The following KPNA6 variants were observed in gnomAD, a reference collection of about 807,000 sequenced individuals.
KPNA6 encodes karyopherin subunit alpha 6.
A neutral mutation model predicts 72.0 loss-of-function variants in KPNA6; 9 were observed. That is an observed-to-expected ratio of 0.13 (90% CI 0.08 to 0.22). The LOEUF (loss-of-function observed/expected upper bound fraction) is 0.22, where lower values mean the gene tolerates loss of function less well. Ranked by LOEUF, KPNA6 falls within the 10% of genes least tolerant of loss-of-function variation. The pLI is 1.00. For missense variants in KPNA6, 374 were observed against 655.7 expected (o/e 0.57, Z 4.69); for synonymous variants, 219 against 242.1 (o/e 0.90, Z 0.89).
chr1:32,164,137 T>C (rs56081362), intron 10 of KPNA6, among the ~76,000 whole-genome samples: 4,071 of 152,308 alleles, frequency 0.027, 182 homozygotes, highest in African/African-American at 0.092. Context: ...AAGTACCTCA[T>C]GTAAGTGGAA....
intron 1 of KPNA6, among the ~76,000 whole-genome samples, chr1:32,154,070 C>T (rs183721247): frequency 6.6e-6 from 1 of 152,030 alleles, no homozygotes; most frequent in East Asian, 1.9e-4. Flanking sequence ...TCACGTGAGC[C>T]CAGGAGGCAG....
Position 32,166,221 on chromosome 1 carries a change from T to A in KPNA6, c.1107T>A (p.Ala369=). The change falls in exon 11 of 14, where the codon GCT becomes GCA. Residue 369 remains alanine (A), a synonymous_variant. Coordinates refer to ENST00000373625, the MANE Select transcript of KPNA6 (RefSeq NM_012316.5). Reference sequence around the variant, plus strand: ...CAAATATTACTGCTGGCAACAGGGCTCAAATACAGGTAAAACAGGCAGGGA... The same window carrying A: ...CAAATATTACTGCTGGCAACAGGGCACAAATACAGGTAAAACAGGCAGGGA... ...TISNITAGNR[A]QIQAVIDANI... 1 of 1,612,986 alleles carries A rather than the reference T, an allele frequency of 6.2e-7. No individual in the cohort carries two copies. Among genetic ancestry groups the A allele is most frequent in the Non-Finnish European group, 8.5e-7 (1 of 1,179,670 alleles).
At chr1:32,114,999 C>G (rs1382011210) in intron 1 of KPNA6, among the ~76,000 whole-genome samples, 5 of 152,126 alleles carry the variant, frequency 3.3e-5, no homozygotes, top group Admixed American at 3.3e-4. Context: ...TGCCACCACG[C>G]CCAGAACATT....
chr1:32,112,574 C>T (rs1246572787), intron 1 of KPNA6, among the ~76,000 whole-genome samples: 8 of 152,074 alleles, frequency 5.3e-5, no homozygotes, highest in Admixed American at 5.2e-4. Flanking sequence ...CTCACTGCAA[C>T]CTCCGCTTCC....
chr1:32,130,226 T>A (rs1263379270), intron 1 of KPNA6, among the ~76,000 whole-genome samples: 2 of 147,296 alleles, frequency 1.4e-5, no homozygotes, highest in African/African-American at 5.0e-5. Context: ...ATAAATATTT[T>A]TTTTTTTTTT....
In KPNA6 at chr1:32,176,000, G is replaced by A. The variant is rs915152385; in HGVS notation, c.*5106G>A. On this transcript the variant is annotated 3_prime_UTR_variant, in exon 14 of 14. Transcript: ENST00000373625. The stretch of plus-strand genomic sequence containing the variant: ...GGGCACCTGTGATCTCAGCTACGTG[G>A]GAGGCTGAGGCAGGAGAATCTCTTG... 5 of 151,970 alleles carry A rather than the reference G, an allele frequency of 3.3e-5. No homozygotes were observed. Among genetic ancestry groups the A allele is most frequent in the Non-Finnish European group, 5.9e-5 (4 of 68,022 alleles). 9.4% of individuals were successfully genotyped at this position (151,970 alleles called of 1,614,324 possible).
intron 12 of KPNA6, among the ~76,000 whole-genome samples, chr1:32,169,597 C>T (rs1642399392): frequency 6.6e-6 from 1 of 150,768 alleles, no homozygotes; most frequent in South Asian, 2.1e-4. Context: ...CAGGTGCCCG[C>T]CACCACACCT....
chr1:32,170,524 T>A (rs1343980796), intron 13 of KPNA6, among the ~76,000 whole-genome samples, 183 bp from the exon 14 acceptor site: 3 of 152,222 alleles, frequency 2.0e-5, no homozygotes, highest in Non-Finnish European at 4.4e-5. Flanking sequence ...GTCTCTTTCC[T>A]TTGGGATTCT....
At chr1:32,121,671 C>T (rs961185830) in intron 1 of KPNA6, among the ~76,000 whole-genome samples, 1 of 152,174 alleles carries the variant, frequency 6.6e-6, no homozygotes, top group Non-Finnish European at 1.5e-5. Flanking sequence ...TGCTTGGTGT[C>T]TTAAAAGCCA....
chr1:32,160,893 A>G (rs1642226273), intron 7 of KPNA6, among the ~76,000 whole-genome samples, 190 bp downstream of exon 7: 1 of 152,222 alleles, frequency 6.6e-6, no homozygotes, highest in Non-Finnish European at 1.5e-5. Flanking sequence ...ATGGTGGCTT[A>G]TGCCTGTAAT....
chr1:32,138,570 A>C (rs1056803624), intron 1 of KPNA6, among the ~76,000 whole-genome samples: 2 of 140,456 alleles, frequency 1.4e-5, no homozygotes, highest in East Asian at 4.1e-4. Context: ...AAAAAAATGG[A>C]GGTGGAAGCT....
chr1:32,159,084 A>C (rs533566039), intron 5 of KPNA6, among the ~76,000 whole-genome samples: 2 of 152,320 alleles, frequency 1.3e-5, no homozygotes, highest in East Asian at 3.9e-4. Context: ...TCAGGAAATA[A>C]AAGAGTGACC....
At position 32,123,264 on chromosome 1, in the gene KPNA6, T is replaced by G. The variant is rs76859378; in HGVS notation, c.4+15130T>G. On this transcript the variant is annotated intron_variant, in intron 1 of 13. Transcript: ENST00000373625. ...TAATCCAGTGTTTCCGGGCGTGGTG[T>G]TTCTCAACTTTTTTTTAATCACCTT... is the stretch of plus-strand genomic sequence containing the variant. 6.7e-3 allele frequency among the ~76,000 whole-genome samples: 1,017 copies of G among 152,124 alleles called. 7 individuals carry two copies. The highest frequency in any genetic ancestry group is 0.022 in the African/African-American group (927 of 41,494).
chr1:32,134,178 A>ATT (rs1399903571), intron 1 of KPNA6, among the ~76,000 whole-genome samples: 17 of 150,746 alleles, frequency 1.1e-4, no homozygotes, highest in Non-Finnish European at 2.4e-4. Context: ...AATTGCTTGA[A>ATT]CCCAGGAGGC....
At chr1:32,119,014 A>AT (rs1557457065) in intron 1 of KPNA6, among the ~76,000 whole-genome samples, 3 of 67,602 alleles carry the variant, frequency 4.4e-5, no homozygotes, top group South Asian at 6.3e-4. Context: ...ATATATATAT[A>AT]TATATATATA....
At chr1:32,141,265 C>A (rs1203799644) in intron 1 of KPNA6, among the ~76,000 whole-genome samples, 1 of 150,406 alleles carries the variant, frequency 6.6e-6, no homozygotes, top group Non-Finnish European at 1.5e-5. Context: ...GTTAAACATA[C>A]CAGTGATTAA....
At chr1:32,131,948 A>T (rs1641645732) in intron 1 of KPNA6, among the ~76,000 whole-genome samples, 1 of 150,920 alleles carries the variant, frequency 6.6e-6, no homozygotes, top group Non-Finnish European at 1.5e-5. Flanking sequence ...TTTACTTTTT[A>T]TTTTTTATAT....
At chr1:32,148,273 T>A (rs1410853243) in intron 1 of KPNA6, among the ~76,000 whole-genome samples, 1 of 151,840 alleles carries the variant, frequency 6.6e-6, no homozygotes. Context: ...CCTGGCTAAT[T>A]GGTTTTTTAG....
At chr1:32,154,290 A>G (rs1186911138) in intron 1 of KPNA6, among the ~76,000 whole-genome samples, 1 of 152,208 alleles carries the variant, frequency 6.6e-6, no homozygotes, top group East Asian at 1.9e-4. Flanking sequence ...CCAAGGTTGC[A>G]CAGCTAACAA....
Sources: gnomAD v4.1 joint callset for allele counts (sites outside exome capture counted in the v4.1 genomes callset) on GRCh38, gnomAD v4.1.1 for gene constraint, MANE v1.5 for transcripts, NCBI Gene and HGNC (gene_info 2026-07-23, HGNC 2026-07-21) for gene names.